Variants in USH2A observed in about 807,000 individuals in gnomAD.
USH2A encodes the protein Usher syndrome 2A (autosomal recessive, mild).
In USH2A, 443 loss-of-function variants were observed where a neutral mutation model predicts 538.9. The ratio of observed to expected loss-of-function variants is 0.82; its 90% confidence interval spans 0.76 to 0.89. The LOEUF (loss-of-function observed/expected upper bound fraction) is 0.89, where lower values mean the gene tolerates loss of function less well. Among genes scored for constraint, USH2A ranks in the 40% least tolerant of loss-of-function variants. USH2A has a pLI of 0.00. For missense variants in USH2A, 6,633 were observed against 6,324.8 expected, an observed-to-expected ratio of 1.05 and a Z score of -1.65; for synonymous variants, 2,413 against 2,273.5, an observed-to-expected ratio of 1.06 and a Z score of -1.75.
chr1:215,928,471 A>G, intron 38 of USH2A, among the ~76,000 whole-genome samples: 1 of 152,144 alleles, frequency 6.6e-6, no homozygotes, highest in East Asian at 1.9e-4. Context: ...ACTTGCATGT[A>G]TGTGTTTGTA....
chr1:216,301,791 G>C (rs191349632), intron 9 of USH2A, among the ~76,000 whole-genome samples: 1 of 152,274 alleles, frequency 6.6e-6, no homozygotes, highest in East Asian at 1.9e-4. Flanking sequence ...CAGATGGCCT[G>C]AATGAATTGC....
intron 32 of USH2A, among the ~76,000 whole-genome samples, chr1:216,043,233 C>A (rs555391413): frequency 1.3e-5 from 2 of 152,166 alleles, no homozygotes; most frequent in African/African-American, 2.4e-5. Context: ...AGTTTCTTAA[C>A]CCATCTAGGT....
intron 67 of USH2A, among the ~76,000 whole-genome samples, chr1:215,645,818 G>A (rs1656829202): frequency 6.6e-6 from 1 of 151,952 alleles, no homozygotes; most frequent in African/African-American, 2.4e-5. Flanking sequence ...AATACTTGAT[G>A]TATTAATAGC....
chr1:216,100,888 T>C (rs1218031219), intron 21 of USH2A, among the ~76,000 whole-genome samples: 1 of 152,238 alleles, frequency 6.6e-6, no homozygotes, highest in African/African-American at 2.4e-5. Context: ...TTTCAAGTTT[T>C]ATGCTTATAT....
intron 41 of USH2A, among the ~76,000 whole-genome samples, chr1:215,884,359 T>C (rs181977792): frequency 6.6e-6 from 1 of 152,358 alleles, no homozygotes; most frequent in Non-Finnish European, 1.5e-5. Flanking sequence ...TGGAGTTAAG[T>C]CCTTCCATCC....
Position 215,630,828 on chromosome 1 carries a change from G to A in USH2A, c.15298-1793C>T, listed in dbSNP as rs115140526. On this transcript the variant is annotated intron_variant, in intron 70 of 71. Transcript: ENST00000307340. ...AGATCATGCCACTGCACTCCAGTCT[G>A]GATGACAGAAGACTCTGTCTCAAAA... Among the ~76,000 whole-genome samples, 667 of 151,260 alleles carry A rather than the reference G, an allele frequency of 4.4e-3. 1 individual carries two copies. Among genetic ancestry groups the A allele is most frequent in the Non-Finnish European group, 7.2e-3 (491 of 67,866 alleles).
At chr1:216,173,710 T>C (rs2034316356) in intron 21 of USH2A, among the ~76,000 whole-genome samples, 1 of 152,096 alleles carries the variant, frequency 6.6e-6, no homozygotes, top group Admixed American at 6.6e-5. Context: ...CCATTCTATC[T>C]TTCACTGCAA....
chr1:215,861,198 C>G (rs1664303520), intron 44 of USH2A, among the ~76,000 whole-genome samples: 1 of 152,198 alleles, frequency 6.6e-6, no homozygotes, highest in South Asian at 2.1e-4. Context: ...TCCAGAGCTA[C>G]TTTAGTCTCT....
intron 15 of USH2A, among the ~76,000 whole-genome samples, chr1:216,214,741 G>A (rs2035310201): frequency 6.6e-6 from 1 of 151,994 alleles, no homozygotes; most frequent in African/African-American, 2.4e-5. Context: ...AGCTAGAAGA[G>A]GCTCTCTGGC....
chr1:215,822,897 A>C (rs1316037077), intron 47 of USH2A, among the ~76,000 whole-genome samples: 1 of 152,016 alleles, frequency 6.6e-6, no homozygotes, highest in African/African-American at 2.4e-5. Flanking sequence ...CTTGGTTGCC[A>C]AAAACAAAGA....
intron 4 of USH2A, among the ~76,000 whole-genome samples, chr1:216,339,726 G>C (rs1186122600): frequency 6.6e-6 from 1 of 151,874 alleles, no homozygotes; most frequent in African/African-American, 2.4e-5. Context: ...ACCTACTCCT[G>C]AACGACTCCT....
rs543319227 is a variant in USH2A at position 215,762,308 on chromosome 1, T to C, written c.11048-2465A>G. On this transcript the variant is annotated intron_variant, in intron 56 of 71. Transcript: ENST00000307340. The stretch of plus-strand genomic sequence containing the variant: ...TCTGCTTCCTGCAGTTATATCTTTT[T>C]CACCTTGAACGATGTATTAAAAATC... Among the ~76,000 whole-genome samples the C allele has an allele frequency of 3.3e-4, 51 of 152,338 alleles. 1 individual carries two copies. Among genetic ancestry groups the C allele is most frequent in the Admixed American group, 1.6e-3 (25 of 15,284 alleles).
At chr1:215,723,423 G>T (rs992028730) in intron 61 of USH2A, among the ~76,000 whole-genome samples, 3 of 152,128 alleles carry the variant, frequency 2.0e-5, no homozygotes, top group African/African-American at 7.2e-5. Context: ...TGTTTTATGT[G>T]GCTCTCTCAG....
chr1:216,299,587 T>C (rs1349314355), intron 9 of USH2A, among the ~76,000 whole-genome samples: 1 of 152,104 alleles, frequency 6.6e-6, no homozygotes, highest in Non-Finnish European at 1.5e-5. Context: ...TACTAATGTA[T>C]TAAAAATTGA....
intron 30 of USH2A, among the ~76,000 whole-genome samples, chr1:216,060,548 T>C (rs2031142772): frequency 6.6e-6 from 1 of 152,258 alleles, no homozygotes; most frequent in African/African-American, 2.4e-5. Context: ...CTTATCATTA[T>C]TGATTCATTT....
chr1:215,944,506 C>G (rs1030969564), intron 37 of USH2A, among the ~76,000 whole-genome samples: 2 of 152,040 alleles, frequency 1.3e-5, no homozygotes, highest in Non-Finnish European at 2.9e-5. Context: ...CATCACTGCA[C>G]CATACCTTCA....
At chr1:216,392,107 T>C (rs2039120616) in intron 3 of USH2A, among the ~76,000 whole-genome samples, 1 of 152,292 alleles carries the variant, frequency 6.6e-6, no homozygotes, top group South Asian at 2.1e-4. Flanking sequence ...TACTGTCCTG[T>C]CCCTCGCAGA....
chr1:215,678,536 G>A (rs1658111373), intron 62 of USH2A, among the ~76,000 whole-genome samples: 1 of 152,328 alleles, frequency 6.6e-6, no homozygotes, highest in South Asian at 2.1e-4. Flanking sequence ...ATGTCAACTT[G>A]ATTCAAATGA....
At chr1:215,692,250 A>C (rs1008083152) in intron 61 of USH2A, among the ~76,000 whole-genome samples, 1 of 152,144 alleles carries the variant, frequency 6.6e-6, no homozygotes, top group Admixed American at 6.5e-5. Flanking sequence ...GTAGAGGTAG[A>C]AACAGGGAAT....
Sources: allele counts gnomAD v4.1 joint callset (sites outside exome capture counted in the v4.1 genomes callset), GRCh38; gene constraint gnomAD v4.1.1; transcripts MANE v1.5; gene names NCBI Gene and HGNC (gene_info 2026-07-23, HGNC 2026-07-21).